Variants in BCAR1 observed in about 807,000 individuals in gnomAD.
The protein encoded by BCAR1 is breast cancer anti-estrogen resistance protein 1.
In BCAR1, 30 loss-of-function variants were observed where a neutral mutation model predicts 67.6. The ratio of observed to expected loss-of-function variants is 0.44; its 90% CI spans 0.33 to 0.60. BCAR1 has a LOEUF of 0.60. Among genes scored for constraint, BCAR1 ranks in the 20% least tolerant of loss-of-function variants. BCAR1 has a pLI of 0.02. For missense variants in BCAR1, 1,313 were observed against 1,222.3 expected, an observed-to-expected ratio of 1.07 and a Z score of -1.11; for synonymous variants, 626 against 556.7, an observed-to-expected ratio of 1.12 and a Z score of -1.75.
At position 75,248,411 on chromosome 16, in the gene BCAR1, G is replaced by A. The variant is rs376736007; in HGVS notation, c.12+3060C>T. On this transcript the variant is annotated intron_variant, in intron 1 of 6. Coordinates refer to ENST00000162330, the MANE Select transcript of BCAR1 (RefSeq NM_014567.5). ...TATTTGCTTGTCCCAAAGAGCCTCC[G>A]TGGCCAACGGATGCAGGCCCAATAA... 4.2e-5 allele frequency: 48 copies of A among 1,130,992 alleles called. No individual in the cohort carries two copies. The African/African-American group carries it at 6.0e-4, about 14-fold the overall frequency. The allele number at this position is 1,130,992 out of a possible 1,614,324, so 70.1% of individuals were successfully genotyped here.
chr16:75,255,365 G>A (rs966639933), upstream of BCAR1, among the ~76,000 whole-genome samples: 6 of 152,118 alleles, frequency 3.9e-5, no homozygotes, highest in Admixed American at 6.5e-5. Flanking sequence ...AGGAAGAAAC[G>A]GTATCTCTGG....
intron 3 of BCAR1, 21 bp from the exon 4 acceptor site, chr16:75,237,019 G>T (rs372118936): frequency 6.2e-5 from 98 of 1,568,174 alleles, no homozygotes; most frequent in Non-Finnish European, 8.1e-5. Flanking sequence ...AACAGTGCAG[G>T]GTTAACGGCG....
chr16:75,266,125 C>T (rs1315880027), intron 1 of BCAR1: 6 of 782,040 alleles, frequency 7.7e-6, no homozygotes, highest in African/African-American at 1.9e-5. Flanking sequence ...CGGTCTCCTC[C>T]GCTCCTCGCC....
chr16:75,260,881 G>A (rs2077893477), intron 1 of BCAR1, among the ~76,000 whole-genome samples: 1 of 152,144 alleles, frequency 6.6e-6, no homozygotes, highest in African/African-American at 2.4e-5. Context: ...GGCTTTCTGG[G>A]ATAATTCTTC....
At chr16:75,252,111 C>A, upstream of BCAR1, 2 of 1,336,682 alleles carry the variant, frequency 1.5e-6, no homozygotes, top group South Asian at 1.3e-5. Context: ...CTGTAGGAGA[C>A]GAATCATCAC....
exon 1 of BCAR1, chr16:75,267,930 C>A: frequency 6.2e-7 from 1 of 1,602,924 alleles, no homozygotes; most frequent in Non-Finnish European, 8.5e-7. Flanking sequence ...GGCAGGGATC[C>A]TTGGGTGTGG....
At position 75,263,103 on chromosome 16, in the gene BCAR1, A is replaced by G. The variant is rs1192810983; in HGVS notation, c.66+4812T>C. The G allele has an allele frequency of 9.9e-6, 7 of 704,554 alleles. No individual in the cohort carries two copies. In the South Asian group the frequency reaches 3.2e-4, roughly 32 times the overall value. 43.6% of individuals were successfully genotyped at this position (704,554 alleles called of 1,614,324 possible). A position where few individuals can be genotyped will look rare whatever the true frequency, so the allele number is the denominator to read the frequency against. On this transcript the variant is annotated intron_variant, in intron 1 of 6. Coordinates refer to the BCAR1 transcript ENST00000393422. ...AGGTCCTGAGCCCAGTGCCCAGCAC[A>G]CAGGGCGGCATCCCTGAAAGGAGCC... is the stretch of plus-strand genomic sequence containing the variant.
In BCAR1 at chr16:75,240,211, C is replaced by T. The variant is rs909220883; in HGVS notation, c.633+2259G>A. Among the ~76,000 whole-genome samples the T allele has an allele frequency of 2.7e-4, 41 of 152,222 alleles. 1 individual carries two copies. The highest frequency in any genetic ancestry group is 1.0e-4 in the Non-Finnish European group (7 of 68,040). On this transcript the variant is annotated intron_variant, in intron 2 of 6. Coordinates refer to ENST00000162330, the MANE Select transcript of BCAR1 (RefSeq NM_014567.5). ...TGAGAGCCAGTGTCCCTCCCGCCCA[C>T]GTGAAGTCCTGGCAAGGGCTCCTTC...
chr16:75,266,156 C>T, intron 1 of BCAR1: 1 of 444,728 alleles, frequency 2.2e-6, no homozygotes, highest in Non-Finnish European at 3.0e-6. Flanking sequence ...GGGCCACCTC[C>T]AGTCGCACCA....
At chr16:75,231,279 T>TTGG (rs563159235) in intron 6 of BCAR1, among the ~76,000 whole-genome samples, 3 of 152,050 alleles carry the variant, frequency 2.0e-5, no homozygotes, top group Non-Finnish European at 4.4e-5. Context: ...AAGATGGGGT[T>TTGG]TCACCATGTT....
intron 6 of BCAR1, among the ~76,000 whole-genome samples, chr16:75,231,521 G>C (rs903603216): frequency 6.6e-6 from 1 of 152,182 alleles, no homozygotes; most frequent in Non-Finnish European, 1.5e-5. Flanking sequence ...CAAAAATGGG[G>C]CAACAGATGT....
Position 75,229,735 on chromosome 16 carries a change from C to T in BCAR1, c.2389G>A (p.Asp797Asn). ...LSAHKLVFIG[D>N]TLSRQAKAAD... ...GCCTTGGCCTGCCGTGACAGTGTGT[C>T]CCCGATGAACACCAGCTTGTGGGCG... The change falls in exon 7 of 7, where the codon GAC (aspartate) becomes AAC (asparagine). Residue 797 changes from aspartate (D) to asparagine (N), a missense_variant. Around this residue, in one of 2 missense-constraint regions of BCAR1, gnomAD observed 1,272 missense variants for 1,137.5 expected, o/e 1.12. Transcript: ENST00000162330. 1.2e-6 allele frequency: 2 copies of T among 1,613,366 alleles called. No individual in the cohort carries two copies. Among genetic ancestry groups the T allele is most frequent in the Non-Finnish European group, 1.7e-6 (2 of 1,179,970 alleles).
chr16:75,251,369 C>A, intron 1 of BCAR1, 102 bp downstream of exon 1: 1 of 1,423,102 alleles, frequency 7.0e-7, no homozygotes, highest in Non-Finnish European at 9.3e-7. Context: ...CGGCGGTTCC[C>A]AGGCCCCGCA....
intron 1 of BCAR1, chr16:75,264,240 C>T (rs2077960121): frequency 7.3e-7 from 1 of 1,370,840 alleles, no homozygotes; most frequent in Admixed American, 3.1e-5. Flanking sequence ...CAGAGCTTGG[C>T]TCTGACTGTG....
At chr16:75,245,180 A>C (rs2077475895) in intron 1 of BCAR1, among the ~76,000 whole-genome samples, 1 of 152,028 alleles carries the variant, frequency 6.6e-6, no homozygotes. Context: ...AGCATTTCCC[A>C]AATATGGTCT....
upstream of BCAR1, among the ~76,000 whole-genome samples, chr16:75,253,564 C>T (rs2077719461): frequency 6.6e-6 from 1 of 152,140 alleles, no homozygotes; most frequent in Non-Finnish European, 1.5e-5. Flanking sequence ...GGGGGTGGGG[C>T]TGCTGGTGTG....
chr16:75,257,612 G>A (rs980083333), intron 1 of BCAR1, among the ~76,000 whole-genome samples: 3 of 152,202 alleles, frequency 2.0e-5, no homozygotes, highest in Non-Finnish European at 4.4e-5. Context: ...GCACCGCCAT[G>A]CCTGGCTAAT....
chr16:75,250,507 G>C (rs1045795423), intron 1 of BCAR1, among the ~76,000 whole-genome samples: 1 of 152,168 alleles, frequency 6.6e-6, no homozygotes, highest in East Asian at 1.9e-4. Flanking sequence ...CCCGGGAGGG[G>C]TGTGGGAAAG....
At chr16:75,265,791 G>A (rs1372668655) in intron 1 of BCAR1, 54 of 1,196,184 alleles carry the variant, frequency 4.5e-5, no homozygotes, top group Non-Finnish European at 5.6e-5. Flanking sequence ...GCGGGGGACA[G>A]CCGGCCCGGG....
Sources: gnomAD v4.1 joint callset for allele counts (sites outside exome capture counted in the v4.1 genomes callset) on GRCh38, gnomAD v4.1.1 for gene constraint, gnomAD v4.1.1 regional missense constraint, MANE v1.5 for transcripts, NCBI Gene and HGNC (gene_info 2026-07-23, HGNC 2026-07-21) for gene names.